RIPK1: variants seen among roughly 807,000 people sequenced by gnomAD.
RIPK1 encodes receptor-interacting serine/threonine-protein kinase 1.
RIPK1 carries 27 observed loss-of-function variants against 62.4 expected under a neutral mutation model. The ratio of observed to expected loss-of-function variants is 0.43; its 90% CI spans 0.32 to 0.60. The LOEUF (loss-of-function observed/expected upper bound fraction) is 0.60. Ranked by LOEUF, RIPK1 falls within the 20% of genes least tolerant of loss-of-function variation. The pLI is 0.07. For missense variants in RIPK1, 735 were observed against 831.0 expected (o/e 0.88, Z 1.42); for synonymous variants, 287 against 303.2 (o/e 0.95, Z 0.55).
At position 3,083,250 on chromosome 6, in the gene RIPK1, T is replaced by A; in HGVS notation, c.625T>A (p.Ser209Thr). The A allele has an allele frequency of 5.0e-6, 8 of 1,613,558 alleles. No homozygotes were observed. Among genetic ancestry groups the A allele is most frequent in the Non-Finnish European group, 5.1e-6 (6 of 1,179,914 alleles). ...NDVNAKPTEK[S>T]DVYSFAVVLW... The stretch of plus-strand genomic sequence containing the variant: ...CGTCAACGCAAAGCCCACAGAGAAG[T>A]CGGATGTGTACAGCTTTGCTGTAGT... Residue 209 changes from serine (S) to threonine (T), a missense_variant, in exon 5 of 11, where the codon TCG becomes ACG. By Grantham distance (58) the Ser-to-Thr change is moderately conservative. Transcript: ENST00000259808.
chr6:3,088,517 G>C (rs1759849248), intron 6 of RIPK1, among the ~76,000 whole-genome samples: 1 of 152,220 alleles, frequency 6.6e-6, no homozygotes, highest in South Asian at 2.1e-4. Context: ...CTCATTATCA[G>C]CTGGCAGGTA....
rs759067443 is a variant in RIPK1 at position 3,083,210 on chromosome 6, C to T, written c.585C>T (p.Pro195=). The T allele has an allele frequency of 9.9e-6, 16 of 1,613,918 alleles. 1 individual carries two copies. Among genetic ancestry groups the T allele is most frequent in the African/African-American group, 6.7e-5 (5 of 74,970 alleles). The change falls in exon 5 of 11, where the codon CCC becomes CCT. Residue 195 remains proline, a synonymous_variant. Coordinates refer to ENST00000259808, the MANE Select transcript of RIPK1 (RefSeq NM_001354930.2). ...KNGGTLYYMA[P]EHLNDVNAKP... ...GCGGCACCCTCTACTACATGGCGCCCGAGCACCTGAATGACGTCAACGCAA... is the reference window on the plus strand; with the variant it reads ...GCGGCACCCTCTACTACATGGCGCCTGAGCACCTGAATGACGTCAACGCAA...
At chr6:3,088,760 T>G (rs2113634208) in intron 6 of RIPK1, 1 of 152,422 alleles carries the variant, frequency 6.6e-6, no homozygotes, top group East Asian at 1.9e-4. Flanking sequence ...CCTGCCTAAC[T>G]TCCAAGATCA....
At chr6:3,097,539 TG>T (rs1441577149) in intron 7 of RIPK1, among the ~76,000 whole-genome samples, 1 of 152,188 alleles carries the variant, frequency 6.6e-6, no homozygotes. Flanking sequence ...GGTATCCACA[TG>T]GTACAGAAAT....
At chr6:3,069,591 C>A (rs1370381815) in intron 1 of RIPK1, among the ~76,000 whole-genome samples, 1 of 152,202 alleles carries the variant, frequency 6.6e-6, no homozygotes. Context: ...TAATTCTTCC[C>A]TGACTTACAC....
intron 7 of RIPK1, among the ~76,000 whole-genome samples, chr6:3,095,556 A>G (rs1365376961): frequency 1.3e-5 from 2 of 152,234 alleles, no homozygotes; most frequent in African/African-American, 2.4e-5. Flanking sequence ...TAAATAAAAT[A>G]CTATAAACAA....
chr6:3,087,422 GT>G (rs756179356), intron 6 of RIPK1, among the ~76,000 whole-genome samples: 3 of 149,212 alleles, frequency 2.0e-5, no homozygotes, highest in Admixed American at 6.6e-5. Context: ...TGTTTTTTTT[GT>G]TTTTTTTGTT....
intron 9 of RIPK1, among the ~76,000 whole-genome samples, chr6:3,110,109 T>C (rs17548587): frequency 0.024 from 3,608 of 152,254 alleles, 145 homozygotes; most frequent in African/African-American, 0.082. Context: ...AAATATTTCT[T>C]CAACACCCTG....
Position 3,077,773 on chromosome 6 carries a change from C to T in RIPK1, c.165-6C>T. 1.2e-6 allele frequency: 2 copies of T among 1,613,876 alleles called. No homozygotes were observed. Among genetic ancestry groups the T allele is most frequent in the Admixed American group, 1.7e-5 (1 of 60,024 alleles). ...AGCCTCAGCATAGCACCTTTCCTGCCCACAGGCACAACGAGGCCCTCTTGG... is the reference window on the plus strand; with the variant it reads ...AGCCTCAGCATAGCACCTTTCCTGCTCACAGGCACAACGAGGCCCTCTTGG... On this transcript the variant is annotated splice_polypyrimidine_tract_variant and splice_region_variant and intron_variant, in intron 2 of 10. Coordinates refer to ENST00000259808, the MANE Select transcript of RIPK1 (RefSeq NM_001354930.2).
intron 1 of RIPK1, 40 bp from the exon 2 acceptor site, chr6:3,076,724 A>ATATATATATATATATATATATATG (rs1759078373): frequency 1.6e-6 from 1 of 622,612 alleles, no homozygotes; most frequent in Non-Finnish European, 2.5e-6. Context: ...ATATATATAT[A>ATATATATATATATATATATATATG]TAGTCTTGCC....
rs1759920616 is a variant in RIPK1 at position 3,089,676 on chromosome 6, G to A, written c.915+19G>A. ...TTTAAAGGTAGGCAATATAGCAGAT[G>A]CTCAAAATATTAACATAGCAAAATA... On this transcript the variant is annotated intron_variant, in intron 7 of 10. Coordinates refer to ENST00000259808, the MANE Select transcript of RIPK1 (RefSeq NM_001354930.2). The A allele has an allele frequency of 1.5e-6, 2 of 1,316,626 alleles. No homozygotes were observed. Among genetic ancestry groups the A allele is most frequent in the Admixed American group, 2.0e-5 (1 of 50,626 alleles). The allele number at this position is 1,316,626 out of a possible 1,614,324, so 81.6% of individuals were successfully genotyped here. A position where few individuals can be genotyped will look rare whatever the true frequency, so the allele number is the denominator to read the frequency against.
At chr6:3,099,835 G>A (rs1365212622) in intron 7 of RIPK1, among the ~76,000 whole-genome samples, 1 of 152,166 alleles carries the variant, frequency 6.6e-6, no homozygotes, top group Non-Finnish European at 1.5e-5. Flanking sequence ...AAGCCCATAA[G>A]TTTGGCTGCA....
rs201489236 is a variant in RIPK1, at chr6:3,089,618, A to G, written c.876A>G (p.Gln292=). 7 of 1,585,650 alleles carry G rather than the reference A, an allele frequency of 4.4e-6. No homozygotes were observed. The African/African-American group carries it at 5.4e-5, about 12-fold the overall frequency. Residue 292 remains glutamine (Q), a synonymous_variant, in exon 7 of 11, where the codon CAA becomes CAG. Coordinates refer to ENST00000259808, the MANE Select transcript of RIPK1 (RefSeq NM_001354930.2). ...EEKFRPFYLS[Q]LEESVEEDVK... ...AATTTAGGCCTTTTTATTTAAGTCA[A>G]TTAGAAGAAAGTGTAGAAGAGGACG...
At chr6:3,078,045 T>G (rs1414800007) in intron 3 of RIPK1, 110 bp downstream of exon 3, 10 of 1,060,244 alleles carry the variant, frequency 9.4e-6, no homozygotes, top group Non-Finnish European at 1.4e-5. Flanking sequence ...ATTTGCAAAT[T>G]GCTTGGTAGT....
intron 9 of RIPK1, among the ~76,000 whole-genome samples, chr6:3,108,439 A>T (rs1327581894): frequency 2.6e-5 from 4 of 152,208 alleles, no homozygotes; most frequent in Non-Finnish European, 5.9e-5. Flanking sequence ...GGCAGAAAGC[A>T]CTGATTCAAG....
chr6:3,067,802 G>A (rs1758451221), upstream of RIPK1, among the ~76,000 whole-genome samples: 1 of 151,854 alleles, frequency 6.6e-6, no homozygotes, highest in Non-Finnish European at 1.5e-5. Flanking sequence ...GAGTGCAGTG[G>A]CGCGATCTCG....
chr6:3,095,189 T>A (rs1760222642), intron 7 of RIPK1, among the ~76,000 whole-genome samples: 2 of 152,250 alleles, frequency 1.3e-5, no homozygotes, highest in South Asian at 4.1e-4. Flanking sequence ...TTTTTGTTAA[T>A]TATTTTAAAA....
intron 1 of RIPK1, among the ~76,000 whole-genome samples, chr6:3,073,017 C>A (rs1233307022): frequency 6.6e-6 from 1 of 152,092 alleles, no homozygotes; most frequent in Non-Finnish European, 1.5e-5. Flanking sequence ...GAAACAACAC[C>A]CGTGTGGATA....
At chr6:3,067,198 G>A (rs371014505), upstream of RIPK1, among the ~76,000 whole-genome samples, 31 of 151,614 alleles carry the variant, frequency 2.0e-4, no homozygotes, top group African/African-American at 7.5e-4. Flanking sequence ...TATGAATAAA[G>A]CTGCTATAGA....
Sources: gnomAD v4.1 joint callset for allele counts (sites outside exome capture counted in the v4.1 genomes callset) on GRCh38, gnomAD v4.1.1 for gene constraint, MANE v1.5 for transcripts, NCBI Gene and HGNC (gene_info 2026-07-23, HGNC 2026-07-21) for gene names.